Variants in VCAN observed in about 807,000 individuals in gnomAD.
VCAN encodes versican core protein.
VCAN carries 44 observed loss-of-function variants against 245.5 expected under a neutral mutation model. The observed-to-expected ratio is 0.18, with a 90% CI of 0.14 to 0.23. The LOEUF is 0.23. VCAN is among the 10% of genes least tolerant of loss of function. VCAN has a pLI of 1.00. For missense variants in VCAN, 3,793 were observed against 4,057.9 expected, an observed-to-expected ratio of 0.93 and a Z score of 1.77; for synonymous variants, 1,413 against 1,437.0, an observed-to-expected ratio of 0.98 and a Z score of 0.38.
rs189325161 is a variant in VCAN, at chr5:83,544,722, T to G, written c.9266-815T>G. 2.2e-3 allele frequency among the ~76,000 whole-genome samples: 336 copies of G among 152,312 alleles called. 1 individual carries two copies. Among genetic ancestry groups the G allele is most frequent in the Non-Finnish European group, 4.0e-3 (274 of 68,004 alleles). On this transcript the variant is annotated intron_variant, in intron 8 of 14. Transcript: ENST00000265077. Reference sequence around the variant, plus strand: ...CACTTATCCAAGCAATATTGCAATATAAAATATATGCTTCAAGTGGTGTAA... The same window carrying G: ...CACTTATCCAAGCAATATTGCAATAGAAAATATATGCTTCAAGTGGTGTAA...
At chr5:83,551,172 G>A (rs1747451527) in intron 10 of VCAN, among the ~76,000 whole-genome samples, 1 of 151,966 alleles carries the variant, frequency 6.6e-6, no homozygotes, top group Non-Finnish European at 1.5e-5. Flanking sequence ...GATCATCTGG[G>A]TTTTCTTGTT....
Position 83,541,560 on chromosome 5 carries a change from G to A in VCAN, c.8557G>A (p.Asp2853Asn), listed in dbSNP as rs1254577739. 6 of 1,613,890 alleles carry A rather than the reference G, an allele frequency of 3.7e-6. No individual in the cohort carries two copies. In the East Asian group the frequency reaches 1.3e-4, roughly 36 times the overall value. The change falls in exon 8 of 15, where the codon GAC (aspartate) becomes AAC (asparagine). Residue 2853 changes from aspartate to asparagine, a missense_variant. By Grantham distance (23) the Asp-to-Asn change is conservative. Coordinates refer to ENST00000265077, the MANE Select transcript of VCAN (RefSeq NM_004385.5). ...IPQPSALPGI[D>N]VGSSVMSPQD... ...CCAGCCCAGTGCTCTGCCAGGAATAGACGTCGGCTCATCTGTAATGTCCCC... is the reference window on the plus strand; with the variant it reads ...CCAGCCCAGTGCTCTGCCAGGAATAAACGTCGGCTCATCTGTAATGTCCCC...
intron 12 of VCAN, among the ~76,000 whole-genome samples, chr5:83,558,286 A>ATATCCCTAACAGTAAAC (rs1747746543): frequency 6.6e-6 from 1 of 152,126 alleles, no homozygotes; most frequent in Non-Finnish European, 1.5e-5. Flanking sequence ...GCTTTTGAAA[A>ATATCCCTAACAGTAAAC]TATCCCTAAC....
At position 83,526,412 on chromosome 5, in the gene VCAN, A is replaced by G. The variant is rs16900497; in HGVS notation, c.4003+4103A>G. Among the ~76,000 whole-genome samples, 321 of 152,320 alleles carry G rather than the reference A, an allele frequency of 2.1e-3. 7 individuals carry two copies. The East Asian group carries it at 0.052, about 25-fold the overall frequency. ...TTTCTTCAAACAAAATGTTATTGAGAGCCCCTGTATCTTGAACAGACAAAA... is the reference window on the plus strand; with the variant it reads ...TTTCTTCAAACAAAATGTTATTGAGGGCCCCTGTATCTTGAACAGACAAAA... On this transcript the variant is annotated intron_variant, in intron 7 of 14. Transcript: ENST00000265077.
intron 3 of VCAN, among the ~76,000 whole-genome samples, chr5:83,490,819 AATT>A (rs1438818929): frequency 6.6e-6 from 1 of 152,222 alleles, no homozygotes; most frequent in Non-Finnish European, 1.5e-5. Context: ...ACATTTTAAA[AATT>A]ATTACATATG....
chr5:83,554,752 G>A (rs1351685530), intron 11 of VCAN, among the ~76,000 whole-genome samples: 1 of 152,138 alleles, frequency 6.6e-6, no homozygotes, highest in African/African-American at 2.4e-5. Flanking sequence ...ATGCTTCACA[G>A]GGTTTGCACA....
intron 12 of VCAN, among the ~76,000 whole-genome samples, chr5:83,563,841 G>A (rs1323937883): frequency 6.6e-6 from 1 of 152,130 alleles, no homozygotes; most frequent in African/African-American, 2.4e-5. Flanking sequence ...TGTGACTCAC[G>A]CTGCAGACAT....
Position 83,581,084 on chromosome 5 carries a change from A to G in VCAN, c.*650A>G, listed in dbSNP as rs1352610011. ...GATCCTGATGGAACTAAGGACTCCA[A>G]TGTCGAACTCTTCTTTGCTGCATTC... On this transcript the variant is annotated 3_prime_UTR_variant, in exon 15 of 15. Transcript: ENST00000265077. 6.5e-6 allele frequency: 1 copy of G among 154,432 alleles called. No individual in the cohort carries two copies. Among genetic ancestry groups the G allele is most frequent in the Non-Finnish European group, 1.4e-5 (1 of 69,252 alleles). The allele number at this position is 154,432 out of a possible 1,614,324, so 9.6% of individuals were successfully genotyped here.
At chr5:83,513,730 A>T (rs1004551132) in intron 6 of VCAN, among the ~76,000 whole-genome samples, 1 of 152,210 alleles carries the variant, frequency 6.6e-6, no homozygotes, top group Non-Finnish European at 1.5e-5. Flanking sequence ...CTAAAAGTAG[A>T]CAGATGTACA....
chr5:83,552,537 GC>G (rs1282075003), intron 10 of VCAN, among the ~76,000 whole-genome samples: 1 of 152,138 alleles, frequency 6.6e-6, no homozygotes, highest in Non-Finnish European at 1.5e-5. Context: ...GTAAAAATTG[GC>G]AACCTAGAAA....
Position 83,581,897 on chromosome 5 carries a change from T to C in VCAN, c.*1463T>C, listed in dbSNP as rs1049129286. On this transcript the variant is annotated 3_prime_UTR_variant, in exon 15 of 15. Coordinates refer to ENST00000265077, the MANE Select transcript of VCAN (RefSeq NM_004385.5). Reference sequence around the variant, plus strand: ...TCCCTAATTTCAGTTTAGAGCAACTTGAAGAAGAGTAGACAAAAAATAAAA... The same window carrying C: ...TCCCTAATTTCAGTTTAGAGCAACTCGAAGAAGAGTAGACAAAAAATAAAA... The C allele has an allele frequency of 5.3e-5, 8 of 152,074 alleles. No individual in the cohort carries two copies. Among genetic ancestry groups the C allele is most frequent in the Non-Finnish European group, 8.8e-5 (6 of 68,010 alleles). 9.4% of individuals were successfully genotyped at this position (152,074 alleles called of 1,614,324 possible).
chr5:83,515,855 T>C (rs543374494), intron 6 of VCAN, among the ~76,000 whole-genome samples: 1 of 152,338 alleles, frequency 6.6e-6, no homozygotes, highest in South Asian at 2.1e-4. Context: ...AAACTAACCT[T>C]TCCCCGATTG....
chr5:83,511,866 C>T (rs1745671453), intron 5 of VCAN, among the ~76,000 whole-genome samples: 1 of 152,154 alleles, frequency 6.6e-6, no homozygotes, highest in African/African-American at 2.4e-5. Context: ...CCAATGTACA[C>T]ACACACATAC....
chr5:83,490,685 A>G (rs1198009836), intron 3 of VCAN, among the ~76,000 whole-genome samples: 4 of 152,170 alleles, frequency 2.6e-5, no homozygotes, highest in Non-Finnish European at 5.9e-5. Flanking sequence ...CATTGATTCC[A>G]TGAAGGAAAG....
At chr5:83,474,418 G>A (rs556950786) in intron 1 of VCAN, among the ~76,000 whole-genome samples, 1 of 152,168 alleles carries the variant, frequency 6.6e-6, no homozygotes, top group South Asian at 2.1e-4. Flanking sequence ...GGCAACAAAT[G>A]TGACTGCAGA....
Position 83,538,142 on chromosome 5 carries a change from G to T in VCAN, c.5139G>T (p.Glu1713Asp). The change falls in exon 8 of 15, where the codon GAG becomes GAT. Residue 1713 changes from glutamate (E) to aspartate (D), a missense_variant. Around this residue, in one of 5 missense-constraint regions of VCAN, gnomAD observed 3,182 missense variants for 3,250.3 expected, o/e 0.98. Coordinates refer to ENST00000265077, the MANE Select transcript of VCAN (RefSeq NM_004385.5). Reference protein sequence around the residue: ...TKFVSETDTSEWISSTTVEEK... With the variant: ...TKFVSETDTSDWISSTTVEEK... ...TTGTAAGTGAAACAGACACTTCTGA[G>T]TGGATTTCCAGTACCACTGTTGAGG... is the stretch of plus-strand genomic sequence containing the variant. 6.2e-7 allele frequency: 1 copy of T among 1,613,990 alleles called. No homozygotes were observed. Among genetic ancestry groups the T allele is most frequent in the Non-Finnish European group, 8.5e-7 (1 of 1,179,962 alleles).
chr5:83,553,643 C>A, intron 11 of VCAN, 121 bp downstream of exon 11: 1 of 1,322,982 alleles, frequency 7.6e-7, no homozygotes, highest in Non-Finnish European at 1.0e-6. Context: ...TCAAATCCCT[C>A]ATCTGTGAAT....
rs1746776804 is a variant in VCAN, at chr5:83,537,632, T to C, written c.4629T>C (p.Phe1543=). 1 of 1,613,716 alleles carries C rather than the reference T, an allele frequency of 6.2e-7. No individual in the cohort carries two copies. The highest frequency in any genetic ancestry group is 1.7e-5 in the Admixed American group (1 of 59,890). Residue 1543 remains phenylalanine (F), a synonymous_variant, in exon 8 of 15, where the codon TTT becomes TTC. Coordinates refer to ENST00000265077, the MANE Select transcript of VCAN (RefSeq NM_004385.5). ...AACATACTGAACCTGTATCTCTGTT[T>C]CCTGAAGAGTCTTCAGGAGAGATTG... is the stretch of plus-strand genomic sequence containing the variant. ...AHEHTEPVSL[F]PEESSGEIAI...
intron 6 of VCAN, among the ~76,000 whole-genome samples, chr5:83,514,162 G>A (rs1745763229): frequency 1.3e-5 from 2 of 152,076 alleles, no homozygotes; most frequent in South Asian, 4.1e-4. Context: ...ATGTTTAAAA[G>A]TTTATATTCA....
Sources: gnomAD v4.1 joint callset for allele counts (sites outside exome capture counted in the v4.1 genomes callset) on GRCh38, gnomAD v4.1.1 for gene constraint, gnomAD v4.1.1 regional missense constraint, MANE v1.5 for transcripts, NCBI Gene and HGNC (gene_info 2026-07-23, HGNC 2026-07-21) for gene names.